Variants in NRXN2 observed in about 807,000 individuals in gnomAD.
NRXN2 encodes the protein neurexin-2-beta.
In NRXN2, 29 loss-of-function variants were observed where a neutral mutation model predicts 128.8. That is an observed-to-expected ratio of 0.23 (90% CI 0.17 to 0.31). The LOEUF is 0.31. Ranked by LOEUF, NRXN2 falls within the 10% of genes least tolerant of loss-of-function variation. The pLI is 1.00. For missense variants in NRXN2, 1,881 were observed against 2,452.6 expected, an observed-to-expected ratio of 0.77 and a Z score of 4.92; for synonymous variants, 1,098 against 1,075.2, an observed-to-expected ratio of 1.02 and a Z score of -0.41.
At chr11:64,675,537 C>T (rs1466821154) in intron 7 of NRXN2, 1 of 152,200 alleles carries the variant, frequency 6.6e-6, no homozygotes, top group Non-Finnish European at 1.5e-5. Context: ...TGCAGGGTCC[C>T]CAGCCTGGTG....
At chr11:64,685,593 C>T (rs550708197) in intron 6 of NRXN2, 53 bp downstream of exon 6, 457 of 1,611,728 alleles carry the variant, frequency 2.8e-4, no homozygotes, top group Non-Finnish European at 3.6e-4. Flanking sequence ...TCTCCCAACC[C>T]CCATTCTACC....
intron 7 of NRXN2, among the ~76,000 whole-genome samples, chr11:64,670,002 G>C (rs773639562): frequency 4.6e-5 from 7 of 152,030 alleles, no homozygotes; most frequent in Non-Finnish European, 1.0e-4. Context: ...TCCAGCGACT[G>C]GTCTCCAGGG....
At chr11:64,633,247 A>G (rs948689) in intron 18 of NRXN2, among the ~76,000 whole-genome samples, 49,611 of 152,156 alleles carry the variant, frequency 0.33, 10,342 homozygotes, top group African/African-American at 0.59. Flanking sequence ...CCTCAGTACT[A>G]GGGGAGCCCT....
At chr11:64,694,143 C>T (rs1278678335) in intron 3 of NRXN2, among the ~76,000 whole-genome samples, 1 of 152,180 alleles carries the variant, frequency 6.6e-6, no homozygotes, top group Non-Finnish European at 1.5e-5. Flanking sequence ...TGGGCTGAGA[C>T]CCCAGGGCTT....
chr11:64,721,090 G>T (rs967696633), intron 1 of NRXN2, among the ~76,000 whole-genome samples: 1 of 151,978 alleles, frequency 6.6e-6, no homozygotes, highest in Non-Finnish European at 1.5e-5. Context: ...AGCCTCTCTG[G>T]GTGGGGAGTG....
intron 1 of NRXN2, among the ~76,000 whole-genome samples, chr11:64,716,289 G>A (rs573268456): frequency 1.9e-4 from 28 of 144,490 alleles, no homozygotes; most frequent in Admixed American, 1.2e-3. Flanking sequence ...TGTTTCCCCC[G>A]CCCCACCCCC....
At chr11:64,695,571 C>A (rs191279249) in intron 3 of NRXN2, among the ~76,000 whole-genome samples, 2 of 152,208 alleles carry the variant, frequency 1.3e-5, no homozygotes, top group Admixed American at 1.3e-4. Flanking sequence ...CATCTTCAGT[C>A]TCATCCCCTA....
chr11:64,642,518 G>A (rs768393132), intron 17 of NRXN2: 2 of 1,601,562 alleles, frequency 1.2e-6, no homozygotes, highest in Non-Finnish European at 1.7e-6. Flanking sequence ...CCGGGTGGCC[G>A]GCATCTACAG....
intron 6 of NRXN2, among the ~76,000 whole-genome samples, chr11:64,680,757 A>G (rs1236148899): frequency 1.3e-5 from 2 of 152,152 alleles, no homozygotes; most frequent in African/African-American, 4.8e-5. Context: ...TAAAGTCCTG[A>G]GGAAATTTAG....
chr11:64,698,658 T>C (rs2054873135), intron 2 of NRXN2, among the ~76,000 whole-genome samples: 2 of 152,224 alleles, frequency 1.3e-5, no homozygotes, highest in Admixed American at 1.3e-4. Flanking sequence ...GGCCCAGACC[T>C]AGACCATGCC....
intron 17 of NRXN2, among the ~76,000 whole-genome samples, chr11:64,638,993 A>G (rs980094814): frequency 2.6e-5 from 4 of 152,202 alleles, no homozygotes; most frequent in Non-Finnish European, 5.9e-5. Flanking sequence ...CCAGACCCAA[A>G]CAACATAATC....
intron 5 of NRXN2, chr11:64,688,871 G>T: frequency 1.1e-6 from 1 of 927,734 alleles, no homozygotes; most frequent in Non-Finnish European, 1.3e-6. Context: ...GCCCCCCTCC[G>T]CCCTCCCTAC....
At chr11:64,700,427 C>T (rs1246492961) in intron 2 of NRXN2, among the ~76,000 whole-genome samples, 2 of 152,220 alleles carry the variant, frequency 1.3e-5, no homozygotes, top group African/African-American at 2.4e-5. Context: ...CCCACACTGC[C>T]CTCATAGGTT....
intron 17 of NRXN2, chr11:64,643,556 G>GGAGGGAGAGAGGGAGA (rs879728743): frequency 2.1e-5 from 3 of 144,390 alleles, no homozygotes; most frequent in Admixed American, 6.9e-5. Flanking sequence ...GGAGAGGGAG[G>GGAGGGAGAGAGGGAGA]GAGGGAGAGA....
At chr11:64,625,199 T>A (rs1168475469) in intron 20 of NRXN2, among the ~76,000 whole-genome samples, 1 of 152,178 alleles carries the variant, frequency 6.6e-6, no homozygotes, top group Non-Finnish European at 1.5e-5. Flanking sequence ...CCTGTCCAGC[T>A]CTCCCTGCTC....
At position 64,714,058 on chromosome 11, in the gene NRXN2, G is replaced by A. The variant is rs1430125912; in HGVS notation, c.-244-115C>T. 6.6e-6 allele frequency: 1 copy of A among 152,616 alleles called. No homozygotes were observed. Among genetic ancestry groups the A allele is most frequent in the East Asian group, 1.9e-4 (1 of 5,202 alleles). 9.5% of individuals were successfully genotyped at this position (152,616 alleles called of 1,614,324 possible). On this transcript the variant is annotated intron_variant, in intron 1 of 22. Coordinates refer to ENST00000265459, the MANE Select transcript of NRXN2 (RefSeq NM_015080.4). The surrounding 1 kb of genome is among the most constrained non-coding windows in gnomAD (Gnocchi z 4.5). Reference sequence around the variant, plus strand: ...TCAGCAGGCACCAGACTGTTTCCCTGCAGAACTTAGAGAGGCCCTGACCTG... The same window carrying A: ...TCAGCAGGCACCAGACTGTTTCCCTACAGAACTTAGAGAGGCCCTGACCTG...
Position 64,660,637 on chromosome 11 carries a change from T to C in NRXN2, c.2186-102A>G. On this transcript the variant is annotated intron_variant, in intron 10 of 22. Coordinates refer to ENST00000265459, the MANE Select transcript of NRXN2 (RefSeq NM_015080.4). The surrounding 1 kb of genome is among the most constrained non-coding windows in gnomAD (Gnocchi z 5.2). ...ACAAGGGCGAAAAGCCTAGGGCAGG[T>C]CTATGAGGGGTTCCCCTAGGAGGAG... 2 of 1,588,508 alleles carry C rather than the reference T, an allele frequency of 1.3e-6. No homozygotes were observed. Among genetic ancestry groups the C allele is most frequent in the Non-Finnish European group, 1.7e-6 (2 of 1,165,730 alleles).
At chr11:64,678,425 G>A (rs2051672098) in intron 6 of NRXN2, among the ~76,000 whole-genome samples, 1 of 152,010 alleles carries the variant, frequency 6.6e-6, no homozygotes, top group African/African-American at 2.4e-5. Context: ...TCTAGAATTG[G>A]TAAGGCCATC....
At position 64,667,548 on chromosome 11, in the gene NRXN2, G is replaced by A. The variant is rs766904618; in HGVS notation, c.1500C>T (p.Pro500=). Residue 500 remains proline, a synonymous_variant, in exon 9 of 23, where the codon CCC becomes CCT. Coordinates refer to ENST00000265459, the MANE Select transcript of NRXN2 (RefSeq NM_015080.4). This position sits in a 1 kb window ranked among gnomAD's most constrained non-coding sequence, Gnocchi z 5.6. ...AGCGGGGCAGCGCCACAAAGGCCTCGGGACTCTCAAAGGTCACAGGGTCCA... is the reference window on the plus strand; with the variant it reads ...AGCGGGGCAGCGCCACAAAGGCCTCAGGACTCTCAAAGGTCACAGGGTCCA... The part of the protein sequence containing the change: ...AALDPVTFES[P]EAFVALPRWS... The A allele has an allele frequency of 5.5e-5, 89 of 1,614,026 alleles. No individual in the cohort carries two copies. The Middle Eastern group carries it at 8.2e-4, about 15-fold the overall frequency.
Sources: gnomAD v4.1 joint callset for allele counts (sites outside exome capture counted in the v4.1 genomes callset) on GRCh38, gnomAD v4.1.1 for gene constraint, Gnocchi (gnomAD v3.1) non-coding constraint, MANE v1.5 for transcripts, NCBI Gene and HGNC (gene_info 2026-07-23, HGNC 2026-07-21) for gene names.